The following COP1 variants were observed in gnomAD, a reference collection of about 807,000 sequenced individuals.
The protein encoded by COP1 is E3 ubiquitin-protein ligase COP1.
In COP1, 24 loss-of-function variants were observed where a neutral mutation model predicts 101.3. That is an observed-to-expected ratio of 0.24 (90% CI 0.17 to 0.33). The LOEUF (loss-of-function observed/expected upper bound fraction) is 0.33. COP1 is among the 10% of genes least tolerant of loss of function. The pLI is 1.00. For synonymous variants in COP1, 347 were observed against 341.9 expected (o/e 1.01, Z -0.17); for missense variants, 663 against 906.2 (o/e 0.73, Z 3.45).
At position 175,944,879 on chromosome 1, in the gene COP1, G is replaced by T; in HGVS notation, c.*274C>A. 1 of 407,774 alleles carries T rather than the reference G, an allele frequency of 2.5e-6. No individual in the cohort carries two copies. 25.3% of individuals were successfully genotyped at this position (407,774 alleles called of 1,614,324 possible). ...TTTTGTTATTTATTTTTATTCAAAA[G>T]AATTTGTTTCCCTATCACAAAAATT... On this transcript the variant is annotated 3_prime_UTR_variant, in exon 20 of 20. Transcript: ENST00000367669.
intron 9 of COP1, among the ~76,000 whole-genome samples, chr1:176,115,606 G>A (rs1292975915): frequency 1.3e-5 from 2 of 151,918 alleles, no homozygotes; most frequent in East Asian, 3.9e-4. Context: ...AAAATTAGCT[G>A]GGCGTGGTGG....
chr1:176,114,542 GT>G (rs1369679049), intron 9 of COP1, among the ~76,000 whole-genome samples: 1 of 148,604 alleles, frequency 6.7e-6, no homozygotes. Flanking sequence ...ACACCTCATT[GT>G]TTTTTGTTTT....
intron 19 of COP1, 87 bp from the exon 20 acceptor site, chr1:175,945,257 G>A: frequency 1.0e-6 from 1 of 974,118 alleles, no homozygotes; most frequent in Non-Finnish European, 1.5e-6. Flanking sequence ...TTTACCAATA[G>A]AAAAGCAAAT....
At chr1:176,119,333 G>A (rs1399234324) in intron 8 of COP1, among the ~76,000 whole-genome samples, 1 of 152,050 alleles carries the variant, frequency 6.6e-6, no homozygotes, top group Non-Finnish European at 1.5e-5. Flanking sequence ...TTCCAGCTAT[G>A]CATTTTTATG....
chr1:176,184,333 T>C (rs991396312), intron 2 of COP1, among the ~76,000 whole-genome samples: 2 of 152,156 alleles, frequency 1.3e-5, no homozygotes, highest in African/African-American at 4.8e-5. Flanking sequence ...TCATGGTTGG[T>C]CCTGATTGTC....
intron 15 of COP1, among the ~76,000 whole-genome samples, chr1:176,019,533 T>C (rs563213055): frequency 1.4e-5 from 2 of 147,040 alleles, no homozygotes; most frequent in South Asian, 2.1e-4. Context: ...TCACTACTAC[T>C]ACCACCAAAT....
chr1:175,989,565 A>C, intron 15 of COP1, 86 bp from the exon 16 acceptor site: 4 of 736,114 alleles, frequency 5.4e-6, no homozygotes, highest in Non-Finnish European at 9.7e-6. Flanking sequence ...TTTTTTCATT[A>C]AAAGTTTCAC....
At chr1:175,961,137 G>C (rs897472435) in intron 18 of COP1, among the ~76,000 whole-genome samples, 1 of 152,196 alleles carries the variant, frequency 6.6e-6, no homozygotes, top group East Asian at 1.9e-4. Flanking sequence ...TTTAGCCTAA[G>C]ATTCTGCCAT....
intron 18 of COP1, among the ~76,000 whole-genome samples, chr1:175,964,634 G>A (rs867001767): frequency 2.0e-5 from 3 of 152,118 alleles, no homozygotes; most frequent in South Asian, 2.1e-4. Flanking sequence ...TTCTTAAAGT[G>A]TGCCCACTAA....
Position 175,975,109 on chromosome 1 carries a change from A to C in COP1, c.2133+11834T>G, listed in dbSNP as rs375819823. Among the ~76,000 whole-genome samples the C allele has an allele frequency of 3.3e-5, 5 of 152,158 alleles. No individual in the cohort carries two copies. The South Asian group carries it at 8.3e-4, about 25-fold the overall frequency. On this transcript the variant is annotated intron_variant, in intron 18 of 19. Transcript: ENST00000367669. ...TAAGGATTTATTCACACCTATTCAG[A>C]GCCAACAGTTTCATTCTTAGTAACT...
At chr1:175,991,396 A>G (rs1376145433) in intron 15 of COP1, among the ~76,000 whole-genome samples, 1 of 152,214 alleles carries the variant, frequency 6.6e-6, no homozygotes, top group African/African-American at 2.4e-5. Flanking sequence ...AAAAAATGGT[A>G]CACACCCATA....
rs993545240 is a variant in COP1, at chr1:176,009,882, G to GA, written c.1729+17689_1729+17690insT. Among the ~76,000 whole-genome samples, 13 of 144,522 alleles carry GA rather than the reference G, an allele frequency of 9.0e-5. 1 individual carries two copies. Among genetic ancestry groups the GA allele is most frequent in the Admixed American group, 7.6e-4 (11 of 14,460 alleles). 94.8% of individuals were successfully genotyped at this position (144,522 alleles called of 152,430 possible). On this transcript the variant is annotated intron_variant, in intron 15 of 19. Transcript: ENST00000367669. ...AGTTATAAGTTTAGGTTACTTGGGGGGGGGGGGTCCGCAATAATTTTCTTT... is the reference window on the plus strand; with the variant it reads ...AGTTATAAGTTTAGGTTACTTGGGGGAGGGGGGGTCCGCAATAATTTTCTTT...
At chr1:176,107,408 T>C (rs940230544) in intron 9 of COP1, among the ~76,000 whole-genome samples, 2 of 152,064 alleles carry the variant, frequency 1.3e-5, no homozygotes, top group Non-Finnish European at 2.9e-5. Flanking sequence ...TGGAACATTA[T>C]TGTCTAAGAA....
chr1:175,991,349 T>C (rs528815012), intron 15 of COP1, among the ~76,000 whole-genome samples: 178 of 152,102 alleles, frequency 1.2e-3, no homozygotes, highest in Non-Finnish European at 2.0e-3. Context: ...CGTATCTAAA[T>C]ATAGAAAAGC....
At chr1:175,999,135 A>T (rs1189598643) in intron 15 of COP1, among the ~76,000 whole-genome samples, 1 of 152,088 alleles carries the variant, frequency 6.6e-6, no homozygotes, top group Admixed American at 6.6e-5. Context: ...AATTAAAAAT[A>T]AAAATGTACA....
At chr1:176,006,898 C>T (rs540484951) in intron 15 of COP1, among the ~76,000 whole-genome samples, 2 of 152,070 alleles carry the variant, frequency 1.3e-5, no homozygotes, top group East Asian at 1.9e-4. Flanking sequence ...GTTGGCCTGC[C>T]TTGCTAGATT....
chr1:175,998,042 C>T (rs2148832212), intron 15 of COP1, among the ~76,000 whole-genome samples: 1 of 125,226 alleles, frequency 8.0e-6, no homozygotes, highest in South Asian at 2.5e-4. Context: ...TGCACATGTA[C>T]CCTAAAACTT....
At chr1:176,201,538 G>C (rs1381052815) in intron 1 of COP1, among the ~76,000 whole-genome samples, 1 of 152,146 alleles carries the variant, frequency 6.6e-6, no homozygotes, top group Non-Finnish European at 1.5e-5. Flanking sequence ...AAGGTATAAA[G>C]ATTTGTAAAA....
chr1:176,072,395 G>C (rs532363108), intron 11 of COP1, among the ~76,000 whole-genome samples: 1 of 152,292 alleles, frequency 6.6e-6, no homozygotes, highest in African/African-American at 2.4e-5. Context: ...CCCCTGCCTA[G>C]ATGAATCTCT....
Sources: allele counts gnomAD v4.1 joint callset (sites outside exome capture counted in the v4.1 genomes callset), GRCh38; gene constraint gnomAD v4.1.1; transcripts MANE v1.5; gene names NCBI Gene and HGNC (gene_info 2026-07-23, HGNC 2026-07-21).